The following ERG variants were observed in gnomAD, a reference collection of about 807,000 sequenced individuals.
ERG encodes the protein transcriptional regulator ERG.
ERG carries 9 observed loss-of-function variants against 55.3 expected under a neutral mutation model. That is an observed-to-expected ratio of 0.16 (90% CI 0.10 to 0.28). The LOEUF (loss-of-function observed/expected upper bound fraction) is 0.28. Ranked by LOEUF, ERG falls within the 10% of genes least tolerant of loss-of-function variation. The pLI, the probability that ERG is intolerant of heterozygous loss-of-function variation, is 1.00. For synonymous variants in ERG, 223 were observed against 237.3 expected, an observed-to-expected ratio of 0.94 and a Z score of 0.55; for missense variants, 434 against 631.6, an observed-to-expected ratio of 0.69 and a Z score of 3.35.
intron 2 of ERG, among the ~76,000 whole-genome samples, chr21:38,515,335 T>C (rs1487743843): frequency 2.0e-5 from 3 of 151,970 alleles, no homozygotes; most frequent in Admixed American, 6.6e-5. Flanking sequence ...AGGAAATGGA[T>C]ACATTTCTGA....
At chr21:38,423,889 T>C (rs1017041315) in intron 2 of ERG, among the ~76,000 whole-genome samples, 1 of 151,916 alleles carries the variant, frequency 6.6e-6, no homozygotes, top group Admixed American at 6.5e-5. Context: ...GGCAGGAAAA[T>C]TGCTTGAATC....
intron 1 of ERG, among the ~76,000 whole-genome samples, chr21:38,595,907 T>A (rs76827172): frequency 6.6e-6 from 1 of 152,094 alleles, no homozygotes; most frequent in African/African-American, 2.4e-5. Flanking sequence ...ATGAGGTGCA[T>A]TATGAGGTTT....
intron 1 of ERG, among the ~76,000 whole-genome samples, chr21:38,648,646 T>C (rs747471598): frequency 1.7e-4 from 26 of 152,264 alleles, no homozygotes; most frequent in Admixed American, 2.0e-4. Flanking sequence ...CCGAGGTTCC[T>C]TGGTCCTGAC....
intron 2 of ERG, among the ~76,000 whole-genome samples, chr21:38,509,658 C>A (rs1025193737): frequency 1.3e-5 from 2 of 152,100 alleles, no homozygotes; most frequent in African/African-American, 4.8e-5. Context: ...GCTGTTGGCA[C>A]CCCATTCCCA....
intron 6 of ERG, chr21:38,395,520 A>G (rs989702178): frequency 9.8e-6 from 2 of 204,358 alleles, no homozygotes; most frequent in African/African-American, 4.6e-5. Context: ...GCTTGGCAGA[A>G]GTGCCCATGT....
chr21:38,556,980 A>G lies in ERG; in HGVS notation c.-41+18682T>C, dbSNP rs141228448. Among the ~76,000 whole-genome samples the G allele has an allele frequency of 7.3e-3, 1,110 of 152,298 alleles. 9 individuals carry two copies. The highest frequency in any genetic ancestry group is 0.011 in the Non-Finnish European group (776 of 68,012). On this transcript the variant is annotated intron_variant, in intron 2 of 8. Coordinates refer to the ERG transcript ENST00000398897. Reference sequence around the variant, plus strand: ...CTAACCCAATCATCCAAGGTTACCCAATAGAGAACTCAGGCTTCCACTAGA... The same window carrying G: ...CTAACCCAATCATCCAAGGTTACCCGATAGAGAACTCAGGCTTCCACTAGA...
At chr21:38,584,997 A>G (rs2060053476), upstream of ERG, 1 of 152,214 alleles carries the variant, frequency 6.6e-6, no homozygotes, top group East Asian at 1.9e-4. Flanking sequence ...AAATATTAAT[A>G]CCAGGGATCA....
intron 4 of ERG, 43 bp from the exon 5 acceptor site, chr21:38,402,680 AGAG>A: frequency 9.2e-7 from 1 of 1,088,814 alleles, no homozygotes; most frequent in South Asian, 1.5e-5. Flanking sequence ...GAAAAAAAAA[AGAG>A]AGAGAGAGAA....
At chr21:38,522,434 C>T (rs1423294383) in intron 2 of ERG, among the ~76,000 whole-genome samples, 1 of 151,922 alleles carries the variant, frequency 6.6e-6, no homozygotes, top group Admixed American at 6.6e-5. Context: ...GAAGAGGATA[C>T]CATAAATTAA....
At chr21:38,542,204 G>T (rs940256205) in intron 2 of ERG, among the ~76,000 whole-genome samples, 3 of 152,054 alleles carry the variant, frequency 2.0e-5, no homozygotes, top group East Asian at 1.9e-4. Context: ...TGGCCAGGCT[G>T]GTCTCGAACT....
chr21:38,525,721 C>T (rs948811823), intron 2 of ERG, among the ~76,000 whole-genome samples: 4 of 152,166 alleles, frequency 2.6e-5, no homozygotes, highest in African/African-American at 4.8e-5. Flanking sequence ...GCACCAACCT[C>T]TAGACATCTC....
At chr21:38,485,707 C>T (rs953526001) in intron 1 of ERG, among the ~76,000 whole-genome samples, 4 of 151,772 alleles carry the variant, frequency 2.6e-5, no homozygotes, top group African/African-American at 7.3e-5. Flanking sequence ...ATCCGCCCAC[C>T]TCGGCCTCCC....
intron 1 of ERG, among the ~76,000 whole-genome samples, chr21:38,650,175 C>T (rs9979888): frequency 0.26 from 40,117 of 151,950 alleles, 5,663 homozygotes; most frequent in East Asian, 0.37. Flanking sequence ...TATGCACTAG[C>T]GATAATGAAA....
chr21:38,380,403 T>C lies in ERG; in HGVS notation c.*3000A>G. 2.8e-6 allele frequency: 3 copies of C among 1,062,206 alleles called. No individual in the cohort carries two copies. The highest frequency in any genetic ancestry group is 3.4e-6 in the Non-Finnish European group (3 of 877,414). The allele number at this position is 1,062,206 out of a possible 1,614,324, so 65.8% of individuals were successfully genotyped here. A position where few individuals can be genotyped will look rare whatever the true frequency, so the allele number is the denominator to read the frequency against. ...CCTCCGGGACATAAGGGCATCAAAC[T>C]AGGAACAAAAACACAGTCTTGACTG... On this transcript the variant is annotated 3_prime_UTR_variant, in exon 10 of 10. Coordinates refer to ENST00000288319, the MANE Select transcript of ERG (RefSeq NM_182918.4).
intron 1 of ERG, among the ~76,000 whole-genome samples, chr21:38,495,550 T>A (rs2059372403): frequency 6.6e-6 from 1 of 152,208 alleles, no homozygotes; most frequent in Non-Finnish European, 1.5e-5. Flanking sequence ...CATTCCCTTT[T>A]TACACATTAA....
intron 6 of ERG, among the ~76,000 whole-genome samples, chr21:38,399,353 T>C (rs1988377009): frequency 6.6e-6 from 1 of 152,218 alleles, no homozygotes; most frequent in Non-Finnish European, 1.5e-5. Context: ...TCATTCTCTT[T>C]AGCTCCCTGG....
At chr21:38,596,034 T>C (rs2060128866) in intron 1 of ERG, among the ~76,000 whole-genome samples, 1 of 130,650 alleles carries the variant, frequency 7.7e-6, no homozygotes, top group African/African-American at 2.9e-5. Flanking sequence ...AGATCCTCTC[T>C]ATATAAAAAT....
chr21:38,392,241 C>T, intron 7 of ERG, 135 bp downstream of exon 7: 1 of 773,094 alleles, frequency 1.3e-6, no homozygotes, highest in Admixed American at 2.0e-5. Flanking sequence ...ATCAATTGTA[C>T]TCTTGTCGTC....
upstream of ERG, among the ~76,000 whole-genome samples, chr21:38,589,117 T>C (rs1250203365): frequency 2.0e-5 from 3 of 152,216 alleles, no homozygotes; most frequent in Admixed American, 1.3e-4. Flanking sequence ...CAGATCTCCC[T>C]GGCCACCACG....
Sources: allele counts gnomAD v4.1 joint callset (sites outside exome capture counted in the v4.1 genomes callset), GRCh38; gene constraint gnomAD v4.1.1; transcripts MANE v1.5; gene names NCBI Gene and HGNC (gene_info 2026-07-23, HGNC 2026-07-21).